The following TRIM63 variants were observed in gnomAD, a reference collection of about 807,000 sequenced individuals.
TRIM63 encodes E3 ubiquitin-protein ligase TRIM63.
Under a neutral mutation model 46.0 loss-of-function variants are expected in TRIM63, and 48 were observed. That is an observed-to-expected ratio of 1.04 (90% confidence interval 0.83 to 1.33). TRIM63 has a LOEUF of 1.33. Among genes scored for constraint, TRIM63 ranks in the 40% most tolerant of loss-of-function variants. The probability of loss-of-function intolerance (pLI) is 0.00; values close to 1 mark genes in which losing one functional copy is unlikely to be tolerated. For missense variants in TRIM63, 455 were observed against 441.2 expected (o/e 1.03, Z -0.28); for synonymous variants, 175 against 162.8 (o/e 1.08, Z -0.57).
At chr1:26,062,886 G>C (rs1444780590) in intron 2 of TRIM63, among the ~76,000 whole-genome samples, 1 of 152,034 alleles carries the variant, frequency 6.6e-6, no homozygotes, top group Non-Finnish European at 1.5e-5. Flanking sequence ...CTCCTGAGTA[G>C]CTGAGATTAC....
Position 26,067,443 on chromosome 1 carries a change from C to T in TRIM63, c.52G>A (p.Glu18Lys). ...IQDGNPMENL[E>K]KQLICPICLE... is the part of the protein sequence containing the mutation. ...CAGATAGGGCAGATCAGCTGCTTCT[C>T]CAAGTTCTCCATGGGATTCCCATCC... The change falls in exon 1 of 9, where the codon GAG becomes AAG. Residue 18 changes from glutamate (E) to lysine (K), a missense_variant. Physicochemically the swap from Glu to Lys is moderately conservative, Grantham distance 56. Transcript: ENST00000374272. 1.9e-6 allele frequency: 3 copies of T among 1,614,172 alleles called. No individual in the cohort carries two copies. Among genetic ancestry groups the T allele is most frequent in the Non-Finnish European group, 2.5e-6 (3 of 1,180,036 alleles).
chr1:26,060,222 T>G, intron 4 of TRIM63, 44 bp downstream of exon 4: 1 of 1,578,508 alleles, frequency 6.3e-7, no homozygotes, highest in South Asian at 1.1e-5. Flanking sequence ...CAGGCTGCCC[T>G]GGAAAGCTCC....
In TRIM63 at chr1:26,067,349, T is replaced by C; in HGVS notation, c.146A>G (p.Asn49Ser). ...CCCGGCACTTACCTGGAAGATGTCA[T>C]TGGCACACTTCCGGCACAGGTTGTG... Reference protein sequence around the residue: ...CQHNLCRKCANDIFQAANPYW... With the variant: ...CQHNLCRKCASDIFQAANPYW... Residue 49 changes from asparagine to serine, a missense_variant, in exon 1 of 9, where the codon AAT (asparagine) becomes AGT (serine). Coordinates refer to ENST00000374272, the MANE Select transcript of TRIM63 (RefSeq NM_032588.4). The C allele has an allele frequency of 6.2e-7, 1 of 1,614,076 alleles. No homozygotes were observed. The highest frequency in any genetic ancestry group is 1.7e-4 in the Middle Eastern group (1 of 6,034).
At chr1:26,063,388 C>T (rs1306265454) in intron 2 of TRIM63, among the ~76,000 whole-genome samples, 1 of 152,236 alleles carries the variant, frequency 6.6e-6, no homozygotes. Context: ...TCCAAACAGC[C>T]TTACATGACT....
intron 5 of TRIM63, 70 bp from the exon 6 acceptor site, chr1:26,057,720 T>C: frequency 6.7e-7 from 1 of 1,501,518 alleles, no homozygotes; most frequent in South Asian, 1.3e-5. Context: ...GCAAAACTAG[T>C]GAACTAGGTG....
At chr1:26,056,512 C>T (rs1327458131) in intron 7 of TRIM63, among the ~76,000 whole-genome samples, 4 of 152,160 alleles carry the variant, frequency 2.6e-5, no homozygotes, top group Non-Finnish European at 5.9e-5. Flanking sequence ...AGAGGGCTCA[C>T]TTCTAACCTG....
chr1:26,058,382 C>T lies in TRIM63; in HGVS notation c.831+8G>A. The T allele has an allele frequency of 6.2e-7, 1 of 1,613,206 alleles. No individual in the cohort carries two copies. Among genetic ancestry groups the T allele is most frequent in the South Asian group, 1.1e-5 (1 of 91,056 alleles). On this transcript the variant is annotated splice_region_variant and intron_variant, in intron 5 of 8. Transcript: ENST00000374272. The stretch of plus-strand genomic sequence containing the variant: ...TGACCCCACCCAGACCCTTCTAGTC[C>T]TGCTCACCAAGAGGAAGGTGGCTCC...
intron 7 of TRIM63, 144 bp downstream of exon 7, chr1:26,057,059 G>C: frequency 1.9e-6 from 2 of 1,072,058 alleles, no homozygotes; most frequent in Non-Finnish European, 2.6e-6. Context: ...CACCACAGCC[G>C]GCCAGAAGTT....
intron 2 of TRIM63, among the ~76,000 whole-genome samples, chr1:26,065,574 T>C (rs2050669829): frequency 6.6e-6 from 1 of 152,236 alleles, no homozygotes; most frequent in South Asian, 2.1e-4. Flanking sequence ...CCCAGAGTGT[T>C]GGGATTATGG....
chr1:26,064,201 C>T (rs1442422593), intron 2 of TRIM63, among the ~76,000 whole-genome samples: 5 of 152,128 alleles, frequency 3.3e-5, no homozygotes, highest in Admixed American at 6.6e-5. Flanking sequence ...GAGGCTGAGG[C>T]GGGCAGATCA....
At position 26,067,333 on chromosome 1, in the gene TRIM63, T is replaced by C; in HGVS notation, c.159+3A>G. ...CCCAAATGAAGCTGCACCCGGCACTTACCTGGAAGATGTCATTGGCACACT... is the reference window on the plus strand; with the variant it reads ...CCCAAATGAAGCTGCACCCGGCACTCACCTGGAAGATGTCATTGGCACACT... On this transcript the variant is annotated splice_donor_region_variant and intron_variant, in intron 1 of 8. Coordinates refer to ENST00000374272, the MANE Select transcript of TRIM63 (RefSeq NM_032588.4). The C allele has an allele frequency of 6.2e-7, 1 of 1,613,752 alleles. No homozygotes were observed. Among genetic ancestry groups the C allele is most frequent in the Non-Finnish European group, 8.5e-7 (1 of 1,179,988 alleles).
chr1:26,066,423 C>T lies in TRIM63; in HGVS notation c.177G>A (p.Trp59Ter). Residue 59 changes from tryptophan (W) to a stop codon, truncating the protein, a stop_gained, in exon 2 of 9, where the codon TGG (tryptophan) becomes TGA (stop). Coordinates refer to ENST00000374272, the MANE Select transcript of TRIM63 (RefSeq NM_032588.4). LOFTEE classifies it high-confidence loss of function. ...NDIFQAANPY[W>*]TSRGSSVSMS... ...TGGACACTGAGCTGCCCCGGCTGGT[C>T]CAGTAGGGATTTGCAGCCTGCAGGT... 9 of 1,592,196 alleles carry T rather than the reference C, an allele frequency of 5.7e-6. No homozygotes were observed. The highest frequency in any genetic ancestry group is 7.7e-6 in the Non-Finnish European group (9 of 1,167,106).
At chr1:26,057,683 C>A in intron 5 of TRIM63, 33 bp from the exon 6 acceptor site, 1 of 1,590,174 alleles carries the variant, frequency 6.3e-7, no homozygotes, top group Non-Finnish European at 8.5e-7. Context: ...GGATTAGGAC[C>A]GCAGAAGAGG....
Position 26,053,918 on chromosome 1 carries a change from T to C in TRIM63, c.1026A>G (p.Glu342=). The C allele has an allele frequency of 6.3e-7, 1 of 1,592,426 alleles. No individual in the cohort carries two copies. The highest frequency in any genetic ancestry group is 2.2e-5 in the East Asian group (1 of 44,468). ...EFIEEEDQEE[E]ESTEGKEEGH... ...CTTCTTCCTTCCCTTCTGTGGACTC[T>C]TCCTCTTCCTGATCTTCTTCTTCAA... The change falls in exon 8 of 9, where the codon GAA becomes GAG. Residue 342 remains glutamate, a synonymous_variant. Coordinates refer to ENST00000374272, the MANE Select transcript of TRIM63 (RefSeq NM_032588.4).
intron 3 of TRIM63, among the ~76,000 whole-genome samples, chr1:26,060,901 G>A (rs927500169): frequency 1.4e-4 from 21 of 152,130 alleles, no homozygotes; most frequent in Non-Finnish European, 1.2e-4. Flanking sequence ...GGCCTGAGAG[G>A]ACCCCAGTGG....
intron 7 of TRIM63, among the ~76,000 whole-genome samples, chr1:26,056,282 T>TTATTACG (rs1239481931): frequency 1.3e-5 from 2 of 152,252 alleles, no homozygotes; most frequent in African/African-American, 2.4e-5. Context: ...ACGGTTGCAT[T>TTATTACG]GTTACAATTA....
At chr1:26,055,941 T>A (rs2050566926) in intron 7 of TRIM63, among the ~76,000 whole-genome samples, 1 of 152,192 alleles carries the variant, frequency 6.6e-6, no homozygotes, top group Non-Finnish European at 1.5e-5. Context: ...ATGGGGTATA[T>A]CTGGGGCTCT....
rs1053483428 is a variant in TRIM63, at chr1:26,057,327, G to A, written c.855C>T (p.Ser285=). ...GGCAGCCCTTGGAAGCTTCCACAAT[G>A]CTGCAGGGGAGACAGAAAGAGAGGC... ...FLLTAKQLIK[S]IVEASKGCQL... is the part of the protein sequence containing the mutation. Residue 285 remains serine (S), a splice_region_variant and synonymous_variant, in exon 7 of 9, where the codon AGC becomes AGT. Coordinates refer to ENST00000374272, the MANE Select transcript of TRIM63 (RefSeq NM_032588.4). 1 of 1,614,052 alleles carries A rather than the reference G, an allele frequency of 6.2e-7. No homozygotes were observed. The highest frequency in any genetic ancestry group is 8.5e-7 in the Non-Finnish European group (1 of 1,180,004).
chr1:26,066,221 G>A (rs1287350722), intron 2 of TRIM63, 47 bp downstream of exon 2: 1 of 1,606,090 alleles, frequency 6.2e-7, no homozygotes, highest in Non-Finnish European at 8.5e-7. Flanking sequence ...TCTAGGCACA[G>A]CATGGCTGGG....
Sources: gnomAD v4.1 joint callset for allele counts (sites outside exome capture counted in the v4.1 genomes callset) on GRCh38, gnomAD v4.1.1 for gene constraint, MANE v1.5 for transcripts, NCBI Gene and HGNC (gene_info 2026-07-23, HGNC 2026-07-21) for gene names.